The following TMTC2 variants were observed in gnomAD, a reference collection of about 807,000 sequenced individuals.
TMTC2 encodes the protein transmembrane O-mannosyltransferase targeting cadherins 2, also known as protein O-mannosyl-transferase TMTC2.
Under a neutral mutation model 82.4 loss-of-function variants are expected in TMTC2, and 43 were observed. The observed-to-expected ratio is 0.52, with a 90% CI of 0.41 to 0.67. The LOEUF (loss-of-function observed/expected upper bound fraction) is 0.67. TMTC2 is among the 30% of genes least tolerant of loss of function. The probability of loss-of-function intolerance (pLI) is 0.00; values close to 1 mark genes in which losing one functional copy is unlikely to be tolerated. For missense variants in TMTC2, 919 were observed against 1,012.4 expected (o/e 0.91, Z 1.25); for synonymous variants, 408 against 381.9 (o/e 1.07, Z -0.80).
intron 4 of TMTC2, among the ~76,000 whole-genome samples, chr12:82,964,374 G>A (rs1878092437): frequency 6.6e-6 from 1 of 152,062 alleles, no homozygotes; most frequent in African/African-American, 2.4e-5. Context: ...GAATCTTGGG[G>A]TCTGCAGAGA....
chr12:82,820,006 T>C (rs1421573582), intron 1 of TMTC2, among the ~76,000 whole-genome samples: 1 of 152,146 alleles, frequency 6.6e-6, no homozygotes, highest in African/African-American at 2.4e-5. Context: ...GCCAACAGTG[T>C]AGTCTTCAGT....
intron 1 of TMTC2, among the ~76,000 whole-genome samples, chr12:82,773,717 C>A (rs1467988683): frequency 6.6e-6 from 1 of 152,134 alleles, no homozygotes; most frequent in Non-Finnish European, 1.5e-5. Context: ...CCTTGGCCTC[C>A]CAAAGTGCTG....
rs1871288868 is a variant in TMTC2 at position 82,857,015 on chromosome 12, C to T, written c.89C>T (p.Ala30Val). 1.9e-6 allele frequency: 3 copies of T among 1,605,488 alleles called. No individual in the cohort carries two copies. Among genetic ancestry groups the T allele is most frequent in the Non-Finnish European group, 2.6e-6 (3 of 1,176,174 alleles). ...SADFCYDDSR[A>V]IKTNQDLLPE... is the part of the protein sequence containing the mutation. ...TTTAACGTTTTGTTTTTTAGCCGTG[C>T]TATCAAGACTAATCAGGACCTTCTC... The change falls in exon 2 of 12, where the codon GCT becomes GTT. Residue 30 changes from alanine (A) to valine (V), a missense_variant. Ala to Val is a moderately conservative substitution (Grantham distance 64, BLOSUM62 0). Coordinates refer to ENST00000321196, the MANE Select transcript of TMTC2 (RefSeq NM_152588.3).
chr12:82,776,585 C>T (rs567559897), intron 1 of TMTC2, among the ~76,000 whole-genome samples: 1 of 149,350 alleles, frequency 6.7e-6, no homozygotes, highest in Non-Finnish European at 1.5e-5. Context: ...TTGAGACCAT[C>T]CTGGGCAACA....
intron 1 of TMTC2, among the ~76,000 whole-genome samples, chr12:82,827,474 G>A (rs553901726): frequency 2.6e-4 from 39 of 152,158 alleles, no homozygotes; most frequent in African/African-American, 8.7e-4. Context: ...AAATTATTAC[G>A]GCTTAAGTGG....
At chr12:83,109,224 C>G (rs1353993683) in intron 11 of TMTC2, among the ~76,000 whole-genome samples, 1 of 152,066 alleles carries the variant, frequency 6.6e-6, no homozygotes, top group African/African-American at 2.4e-5. Context: ...TCTGGGGGGG[C>G]CTCAGGAAAC....
chr12:82,936,462 A>T (rs915463115), intron 4 of TMTC2, among the ~76,000 whole-genome samples: 12 of 152,168 alleles, frequency 7.9e-5, no homozygotes, highest in Non-Finnish European at 1.6e-4. Context: ...AAGGCCAGTT[A>T]CACAACAAAT....
At chr12:82,801,683 A>T (rs895540180) in intron 1 of TMTC2, among the ~76,000 whole-genome samples, 3 of 152,016 alleles carry the variant, frequency 2.0e-5, no homozygotes, top group African/African-American at 7.2e-5. Flanking sequence ...TGAGCTAGAC[A>T]CAGGGTGCTG....
intron 1 of TMTC2, among the ~76,000 whole-genome samples, chr12:82,768,994 G>A (rs1025250674): frequency 6.6e-6 from 1 of 151,672 alleles, no homozygotes; most frequent in African/African-American, 2.4e-5. Flanking sequence ...CTGCTATGTG[G>A]CCAAGACAGC....
chr12:82,973,455 A>G (rs1878534451), intron 7 of TMTC2, among the ~76,000 whole-genome samples: 1 of 152,212 alleles, frequency 6.6e-6, no homozygotes, highest in Admixed American at 6.5e-5. Context: ...TATGTAGTCA[A>G]TAAGATAAGG....
chr12:82,822,284 G>A (rs951160870), intron 1 of TMTC2, among the ~76,000 whole-genome samples: 1 of 152,098 alleles, frequency 6.6e-6, no homozygotes, highest in Non-Finnish European at 1.5e-5. Flanking sequence ...TGAACTGTAA[G>A]GTAAACTATG....
chr12:83,017,833 T>C (rs1880742617), intron 8 of TMTC2, among the ~76,000 whole-genome samples: 1 of 151,826 alleles, frequency 6.6e-6, no homozygotes, highest in African/African-American at 2.4e-5. Flanking sequence ...AAAAAACTTA[T>C]TCAGATCAGT....
intron 11 of TMTC2, among the ~76,000 whole-genome samples, chr12:83,088,383 T>A (rs1164414983): frequency 6.6e-6 from 1 of 152,244 alleles, no homozygotes; most frequent in Non-Finnish European, 1.5e-5. Context: ...CCTTTGCATT[T>A]ACAACTTTGC....
intron 11 of TMTC2, among the ~76,000 whole-genome samples, chr12:83,085,311 AC>A (rs1883615223): frequency 6.6e-6 from 1 of 152,196 alleles, no homozygotes; most frequent in Admixed American, 6.5e-5. Flanking sequence ...ACCAAGCATT[AC>A]CCTTTATCTG....
intron 1 of TMTC2, among the ~76,000 whole-genome samples, chr12:82,824,894 G>T (rs1592552549): frequency 6.6e-6 from 1 of 152,072 alleles, no homozygotes; most frequent in Non-Finnish European, 1.5e-5. Context: ...TTCGAGATGA[G>T]CTTGGCCAAC....
At chr12:82,888,940 ACTT>A (rs1873247921) in intron 2 of TMTC2, among the ~76,000 whole-genome samples, 1 of 152,136 alleles carries the variant, frequency 6.6e-6, no homozygotes, top group Non-Finnish European at 1.5e-5. Flanking sequence ...ATTTTGAGAC[ACTT>A]AATTATAAAA....
chr12:82,850,373 T>C (rs1870907637), intron 1 of TMTC2, among the ~76,000 whole-genome samples: 1 of 152,146 alleles, frequency 6.6e-6, no homozygotes, highest in African/African-American at 2.4e-5. Context: ...CATTAATCTT[T>C]CTTCCATTCA....
intron 11 of TMTC2, among the ~76,000 whole-genome samples, chr12:83,093,912 A>G (rs1174916484): frequency 6.6e-6 from 1 of 152,158 alleles, no homozygotes; most frequent in Non-Finnish European, 1.5e-5. Context: ...AGAGACAACA[A>G]TTAATAATCA....
At chr12:82,865,895 C>T (rs1335398681) in intron 2 of TMTC2, among the ~76,000 whole-genome samples, 2 of 152,140 alleles carry the variant, frequency 1.3e-5, no homozygotes, top group Non-Finnish European at 2.9e-5. Context: ...ACAGAACAAC[C>T]TGCTCCTGAA....
Sources: allele counts gnomAD v4.1 joint callset (sites outside exome capture counted in the v4.1 genomes callset), GRCh38; gene constraint gnomAD v4.1.1; transcripts MANE v1.5; gene names NCBI Gene and HGNC (gene_info 2026-07-23, HGNC 2026-07-21).